The following CEP89 variants were observed in gnomAD, a reference collection of about 807,000 sequenced individuals.
CEP89 encodes the protein centrosomal protein 89, also known as centrosomal protein of 89 kDa.
A neutral mutation model predicts 97.6 loss-of-function variants in CEP89; 95 were observed. The observed-to-expected ratio is 0.97, with a 90% CI of 0.82 to 1.15. The LOEUF (loss-of-function observed/expected upper bound fraction) is 1.15. Among genes scored for constraint, CEP89 ranks in the 50% most tolerant of loss-of-function variants. The pLI is 0.00. For missense variants in CEP89, 869 were observed against 947.7 expected (o/e 0.92, Z 1.09); for synonymous variants, 354 against 349.1 (o/e 1.01, Z -0.16).
In CEP89 at chr19:32,900,246, A is replaced by ATTTTTT. The variant is rs55730702; in HGVS notation, c.1734-254_1734-249dup. On this transcript the variant is annotated intron_variant, in intron 15 of 18. Coordinates refer to ENST00000305768, the MANE Select transcript of CEP89 (RefSeq NM_032816.5). ...CAAATGTCTAACAATGAATAGGTTC[A>ATTTTTT]TTTTTTTTTTTTTTTTTGAGACACA... Among the ~76,000 whole-genome samples, 413 of 133,924 alleles carry ATTTTTT rather than the reference A, an allele frequency of 3.1e-3. 13 individuals carry two copies. The highest frequency in any genetic ancestry group is 8.5e-3 in the African/African-American group (306 of 35,834). 87.9% of individuals were successfully genotyped at this position (133,924 alleles called of 152,430 possible).
At chr19:32,927,246 G>A (rs542965875) in intron 9 of CEP89, among the ~76,000 whole-genome samples, 164 of 152,128 alleles carry the variant, frequency 1.1e-3, no homozygotes, top group African/African-American at 3.8e-3. Flanking sequence ...ATATATGAGA[G>A]AAATATTTTT....
At chr19:32,913,306 T>TA (rs1491125555) in intron 14 of CEP89, among the ~76,000 whole-genome samples, 21 of 3,706 alleles carry the variant, frequency 5.7e-3, no homozygotes, top group South Asian at 0.021. Context: ...TATATATATA[T>TA]TTTTTTGTTG....
At chr19:32,969,029 GGA>G (rs1599790321) in intron 1 of CEP89, 1 of 152,312 alleles carries the variant, frequency 6.6e-6, no homozygotes, top group East Asian at 1.9e-4. Flanking sequence ...AGGAGGCCCT[GGA>G]GAGAGTGGCT....
At chr19:32,887,027 T>A (rs865790321) in intron 17 of CEP89, among the ~76,000 whole-genome samples, 46 of 97,086 alleles carry the variant, frequency 4.7e-4, no homozygotes, top group African/African-American at 1.0e-3. Flanking sequence ...AAAAAAAAAA[T>A]ACAAAAAAAA....
rs543082707 is a variant in CEP89, at chr19:32,910,325, G to A, written c.1565+5012C>T. Among the ~76,000 whole-genome samples, 4 of 152,092 alleles carry A rather than the reference G, an allele frequency of 2.6e-5. No homozygotes were observed. In the East Asian group the frequency reaches 5.8e-4, roughly 22 times the overall value. On this transcript the variant is annotated intron_variant, in intron 14 of 18. Coordinates refer to ENST00000305768, the MANE Select transcript of CEP89 (RefSeq NM_032816.5). ...AGGGAGGGAGGGAGGGAGAGAGAGA[G>A]AGAGAGAAATGGTACACCTGTACAG... is the stretch of plus-strand genomic sequence containing the variant.
At chr19:32,961,834 G>A (rs1971175331) in intron 2 of CEP89, among the ~76,000 whole-genome samples, 1 of 151,526 alleles carries the variant, frequency 6.6e-6, no homozygotes, top group Non-Finnish European at 1.5e-5. Flanking sequence ...TGTAGAGATG[G>A]GGTCTCAATA....
At chr19:32,930,975 T>A (rs992037316) in intron 9 of CEP89, among the ~76,000 whole-genome samples, 6 of 152,070 alleles carry the variant, frequency 3.9e-5, no homozygotes, top group Admixed American at 3.9e-4. Context: ...ACCCTTGACC[T>A]CCCATGCTCA....
intron 14 of CEP89, among the ~76,000 whole-genome samples, chr19:32,903,064 A>G (rs1568551763): frequency 6.6e-6 from 1 of 152,102 alleles, no homozygotes; most frequent in Non-Finnish European, 1.5e-5. Flanking sequence ...CAGCTTAGCC[A>G]CATGCGGTGG....
intron 1 of CEP89, chr19:32,971,533 T>G (rs1022113434): frequency 5.3e-6 from 3 of 569,200 alleles, no homozygotes; most frequent in Non-Finnish European, 9.4e-6. Context: ...GGCGCGCGCC[T>G]GTAGTCTCAG....
At chr19:32,923,031 C>T (rs140828336) in intron 12 of CEP89, among the ~76,000 whole-genome samples, 5 of 152,144 alleles carry the variant, frequency 3.3e-5, no homozygotes, top group East Asian at 3.9e-4. Context: ...CCAGGGCAGG[C>T]GGATGGAAGC....
intron 18 of CEP89, 120 bp from the exon 19 acceptor site, chr19:32,879,498 G>A: frequency 1.3e-6 from 1 of 799,958 alleles, no homozygotes; most frequent in Admixed American, 2.5e-5. Flanking sequence ...AGCCCTCGGT[G>A]CCTGGGTTCT....
At chr19:32,971,550 G>T in intron 1 of CEP89, 1 of 573,762 alleles carries the variant, frequency 1.7e-6, no homozygotes. Flanking sequence ...TCAGCTCCTC[G>T]GGAGGCTGGG....
chr19:32,913,050 T>TAAAAAAA (rs1202202460), intron 14 of CEP89, among the ~76,000 whole-genome samples: 9 of 146,478 alleles, frequency 6.1e-5, no homozygotes, highest in Non-Finnish European at 1.2e-4. Flanking sequence ...CAAAAAAAAT[T>TAAAAAAA]AAAAAAAATT....
Position 32,933,613 on chromosome 19 carries a change from C to T in CEP89, c.724G>A (p.Ala242Thr), listed in dbSNP as rs763973798. The T allele has an allele frequency of 6.2e-7, 1 of 1,613,510 alleles. No individual in the cohort carries two copies. Among genetic ancestry groups the T allele is most frequent in the Non-Finnish European group, 8.5e-7 (1 of 1,179,504 alleles). ...YTEITREKFE[A>T]LKEENMDLNN... ...AGGTCCATATTTTCTTCTTTTAATG[C>T]CTCAAACTTTTCTCTGGTTATTTCT... Residue 242 changes from alanine (A) to threonine (T), a missense_variant, in exon 8 of 19, where the codon GCA (alanine) becomes ACA (threonine). Physicochemically the swap from Ala to Thr is moderately conservative, Grantham distance 58 (BLOSUM62 0). Coordinates refer to ENST00000305768, the MANE Select transcript of CEP89 (RefSeq NM_032816.5).
chr19:32,948,367 AC>A lies in CEP89; in HGVS notation c.493del (p.Val165CysfsTer7), dbSNP rs748977679. ...DLYAVPHRNQVPLLHEVNSED... is the reference protein window; with the variant it reads ...DLYAVPHRNQXPLLHEVNSED... ...ACTGTTCACCTCATGTAACAATGGC[AC>A]CTTTTTGTTATAAAAGACAAAGGAG... is the stretch of plus-strand genomic sequence containing the variant. On this transcript the variant is annotated frameshift_variant and splice_region_variant, in exon 5 of 19. Coordinates refer to ENST00000305768, the MANE Select transcript of CEP89 (RefSeq NM_032816.5). LOFTEE classifies it high-confidence loss of function. 1.0e-5 allele frequency: 16 copies of A among 1,593,522 alleles called. No homozygotes were observed. In the Admixed American group the frequency reaches 1.4e-4, roughly 14 times the overall value.
intron 7 of CEP89, among the ~76,000 whole-genome samples, chr19:32,935,315 A>T (rs1253090173): frequency 1.3e-5 from 2 of 152,184 alleles, no homozygotes; most frequent in East Asian, 1.9e-4. Context: ...GGCCACAGGG[A>T]ATCTCAGAGA....
intron 7 of CEP89, among the ~76,000 whole-genome samples, chr19:32,934,152 G>A (rs1019499789): frequency 6.6e-6 from 1 of 150,504 alleles, no homozygotes; most frequent in African/African-American, 2.4e-5. Flanking sequence ...CGGGCAGTGA[G>A]AGAGAAGCAG....
intron 14 of CEP89, among the ~76,000 whole-genome samples, chr19:32,911,941 C>G (rs575295064): frequency 1.3e-5 from 2 of 152,188 alleles, no homozygotes; most frequent in South Asian, 4.2e-4. Context: ...TAAAAACATA[C>G]AAAAGGCCAG....
chr19:32,929,926 T>C (rs192771258), intron 9 of CEP89, among the ~76,000 whole-genome samples: 5 of 151,798 alleles, frequency 3.3e-5, no homozygotes, highest in Non-Finnish European at 7.4e-5. Context: ...AGACAGAAAA[T>C]AGATTAGTGG....
Sources: gnomAD v4.1 joint callset for allele counts (sites outside exome capture counted in the v4.1 genomes callset) on GRCh38, gnomAD v4.1.1 for gene constraint, MANE v1.5 for transcripts, NCBI Gene and HGNC (gene_info 2026-07-23, HGNC 2026-07-21) for gene names.